PRKD1: variants seen among roughly 807,000 people sequenced by gnomAD.
PRKD1 encodes serine/threonine-protein kinase D1.
A neutral mutation model predicts 95.9 loss-of-function variants in PRKD1; 63 were observed. The ratio of observed to expected loss-of-function variants is 0.66; its 90% CI spans 0.54 to 0.81. The LOEUF (loss-of-function observed/expected upper bound fraction) is 0.81. PRKD1 is among the 30% of genes least tolerant of loss of function. The pLI, the probability that PRKD1 is intolerant of heterozygous loss-of-function variation, is 0.00. For missense variants in PRKD1, 1,048 were observed against 1,165.3 expected, an observed-to-expected ratio of 0.90 and a Z score of 1.47; for synonymous variants, 425 against 423.1, an observed-to-expected ratio of 1.00 and a Z score of -0.05.
chr14:29,755,510 G>A (rs917523649), intron 1 of PRKD1, among the ~76,000 whole-genome samples: 7 of 151,804 alleles, frequency 4.6e-5, no homozygotes, highest in Admixed American at 6.6e-5. Flanking sequence ...ACAGAGTGCC[G>A]GAAAAAAAAC....
chr14:29,730,949 G>C (rs891021224), intron 1 of PRKD1, among the ~76,000 whole-genome samples: 1 of 151,882 alleles, frequency 6.6e-6, no homozygotes, highest in Non-Finnish European at 1.5e-5. Flanking sequence ...GGTGACTATA[G>C]ATAATAATAT....
chr14:29,775,830 A>G (rs975030725), intron 1 of PRKD1, among the ~76,000 whole-genome samples: 1 of 152,152 alleles, frequency 6.6e-6, no homozygotes, highest in Non-Finnish European at 1.5e-5. Context: ...GAGATCTGAG[A>G]ACAGCCAGAC....
intron 2 of PRKD1, among the ~76,000 whole-genome samples, chr14:29,685,734 C>CTGTGTGTGTGTGTGTG (rs5807548): frequency 6.7e-6 from 1 of 149,288 alleles, no homozygotes; most frequent in Non-Finnish European, 1.5e-5. Context: ...TTATCCTCAT[C>CTGTGTGTGTGTGTGTG]TGTGTGTGTG....
intron 1 of PRKD1, among the ~76,000 whole-genome samples, chr14:29,918,000 A>T (rs1417000512): frequency 6.6e-6 from 1 of 152,026 alleles, no homozygotes; most frequent in East Asian, 1.9e-4. Flanking sequence ...AACTTGTGTC[A>T]TGGGGGGGCT....
intron 2 of PRKD1, among the ~76,000 whole-genome samples, chr14:29,687,206 T>C (rs1217645354): frequency 6.6e-6 from 1 of 152,200 alleles, no homozygotes; most frequent in South Asian, 2.1e-4. Context: ...TAATCTCTTA[T>C]GATAATGCAT....
chr14:29,656,629 T>TTTTTTGAAAGCATG, intron 4 of PRKD1: 1 of 1,106,974 alleles, frequency 9.0e-7, no homozygotes, highest in Non-Finnish European at 1.3e-6. Context: ...AGGCATGCTT[T>TTTTTTGAAAGCATG]CAAAAAAAAG....
At chr14:29,773,426 C>T (rs1888596935) in intron 1 of PRKD1, among the ~76,000 whole-genome samples, 1 of 146,592 alleles carries the variant, frequency 6.8e-6, no homozygotes, top group Non-Finnish European at 1.5e-5. Flanking sequence ...TGCCAATGCA[C>T]TCCAGCATGG....
intron 12 of PRKD1, 138 bp from the exon 13 acceptor site, chr14:29,624,396 TTACA>T (rs1879478893): frequency 2.1e-6 from 1 of 477,726 alleles, no homozygotes. Context: ...GAGCACTGAC[TTACA>T]TATATATATA....
chr14:29,822,552 C>G (rs1207393129), intron 1 of PRKD1, among the ~76,000 whole-genome samples: 1 of 152,156 alleles, frequency 6.6e-6, no homozygotes, highest in Non-Finnish European at 1.5e-5. Flanking sequence ...GTAAGAGAGA[C>G]AGCACTGTTT....
intron 1 of PRKD1, among the ~76,000 whole-genome samples, chr14:29,841,907 T>A (rs1017136796): frequency 3.9e-5 from 6 of 151,972 alleles, no homozygotes; most frequent in African/African-American, 1.4e-4. Context: ...TTTCTTTTTT[T>A]ATATACTTAT....
intron 13 of PRKD1, among the ~76,000 whole-genome samples, chr14:29,618,136 T>C (rs1244362526): frequency 6.6e-6 from 1 of 152,212 alleles, no homozygotes; most frequent in African/African-American, 2.4e-5. Context: ...CAGTTTTCTG[T>C]GATATCCTTA....
At chr14:29,811,110 G>A (rs1186824698) in intron 1 of PRKD1, among the ~76,000 whole-genome samples, 16 of 152,162 alleles carry the variant, frequency 1.1e-4, no homozygotes, top group Admixed American at 1.0e-3. Context: ...ATAATTTGCA[G>A]GGCCCCTTGT....
intron 2 of PRKD1, among the ~76,000 whole-genome samples, chr14:29,704,035 T>C: frequency 6.6e-6 from 1 of 152,160 alleles, no homozygotes; most frequent in East Asian, 1.9e-4. Flanking sequence ...ATCCTTATGA[T>C]AGGTAATACT....
rs1011766441 is a variant in PRKD1 at position 29,624,135 on chromosome 14, G to A, written c.1905+17C>T. On this transcript the variant is annotated intron_variant, in intron 13 of 17. Transcript: ENST00000331968. ...GGATTTTTATACCCTTTCCCCAAATGAGAACCAAAGAAGTACCTGTAGAAT... is the reference window on the plus strand; with the variant it reads ...GGATTTTTATACCCTTTCCCCAAATAAGAACCAAAGAAGTACCTGTAGAAT... 1.3e-6 allele frequency: 2 copies of A among 1,556,072 alleles called. No homozygotes were observed. Among genetic ancestry groups the A allele is most frequent in the African/African-American group, 1.4e-5 (1 of 73,066 alleles).
chr14:29,761,419 G>T (rs867708466), intron 1 of PRKD1, among the ~76,000 whole-genome samples: 12 of 152,236 alleles, frequency 7.9e-5, no homozygotes, highest in South Asian at 2.1e-4. Context: ...TCATTTCATT[G>T]TTGAGACTGT....
intron 1 of PRKD1, among the ~76,000 whole-genome samples, chr14:29,876,837 C>A (rs879537093): frequency 6.6e-6 from 1 of 152,062 alleles, no homozygotes; most frequent in African/African-American, 2.4e-5. Flanking sequence ...AATCATTAGT[C>A]ATTAGGGAAA....
chr14:29,873,936 T>C (rs1456227480), intron 1 of PRKD1, among the ~76,000 whole-genome samples: 3 of 152,164 alleles, frequency 2.0e-5, no homozygotes, highest in Non-Finnish European at 2.9e-5. Context: ...TAAAAGACTA[T>C]AAACACTATA....
intron 1 of PRKD1, among the ~76,000 whole-genome samples, chr14:29,823,999 C>T (rs1010123194): frequency 4.6e-5 from 7 of 152,096 alleles, no homozygotes; most frequent in African/African-American, 1.4e-4. Context: ...ACACATTCTT[C>T]GGACACACAC....
At chr14:29,858,704 T>A (rs1892597463) in intron 1 of PRKD1, among the ~76,000 whole-genome samples, 1 of 152,174 alleles carries the variant, frequency 6.6e-6, no homozygotes, top group South Asian at 2.1e-4. Flanking sequence ...ATAAATATAA[T>A]GGCTTTCCCT....
Sources: allele counts gnomAD v4.1 joint callset (sites outside exome capture counted in the v4.1 genomes callset), GRCh38; gene constraint gnomAD v4.1.1; transcripts MANE v1.5; gene names NCBI Gene and HGNC (gene_info 2026-07-23, HGNC 2026-07-21).